The following TLN2 variants were observed in gnomAD, a reference collection of about 807,000 sequenced individuals.
The protein encoded by TLN2 is talin 2.
A neutral mutation model predicts 294.7 loss-of-function variants in TLN2; 118 were observed. The ratio of observed to expected loss-of-function variants is 0.40; its 90% CI spans 0.34 to 0.47. The LOEUF is 0.47. TLN2 is among the 20% of genes least tolerant of loss of function. TLN2 has a pLI of 0.84. For missense variants in TLN2, 3,083 were observed against 3,282.2 expected (o/e 0.94, Z 1.48); for synonymous variants, 1,431 against 1,304.5 (o/e 1.10, Z -2.09).
intron 1 of TLN2, among the ~76,000 whole-genome samples, chr15:62,584,414 C>T (rs1360318158): frequency 6.6e-6 from 1 of 152,186 alleles, no homozygotes; most frequent in Non-Finnish European, 1.5e-5. Flanking sequence ...TCTACTAGGA[C>T]TCTTTTCTCT....
intron 1 of TLN2, among the ~76,000 whole-genome samples, chr15:62,554,108 ACCAAGATGCT>A: frequency 6.6e-6 from 1 of 152,096 alleles, no homozygotes. Flanking sequence ...TCTAGGATCA[ACCAAGATGCT>A]TAATCTAAAT....
chr15:62,692,371 G>T (rs1236630059), intron 12 of TLN2, among the ~76,000 whole-genome samples: 3 of 152,230 alleles, frequency 2.0e-5, no homozygotes, highest in African/African-American at 7.2e-5. Flanking sequence ...GCCTGGGAGG[G>T]TCTGAGGTTT....
At chr15:62,624,871 T>C (rs538836314) in intron 3 of TLN2, among the ~76,000 whole-genome samples, 1 of 152,308 alleles carries the variant, frequency 6.6e-6, no homozygotes, top group Admixed American at 6.5e-5. Context: ...AAAAAAACAA[T>C]GCAGCTAAGA....
intron 2 of TLN2, among the ~76,000 whole-genome samples, chr15:62,604,910 T>A (rs2047309471): frequency 6.6e-6 from 1 of 152,022 alleles, no homozygotes. Context: ...CTCCTCCTCC[T>A]CCTTTCCCCC....
chr15:62,709,744 T>C (rs2059304272), intron 21 of TLN2, among the ~76,000 whole-genome samples: 1 of 151,934 alleles, frequency 6.6e-6, no homozygotes, highest in Admixed American at 6.6e-5. Flanking sequence ...CTTTTTTCTT[T>C]TTCTTTTTGA....
chr15:62,410,063 A>G (rs928505224), intron 1 of TLN2, among the ~76,000 whole-genome samples: 3 of 152,066 alleles, frequency 2.0e-5, no homozygotes, highest in East Asian at 1.9e-4. Flanking sequence ...CCAACATGGT[A>G]AAACCCCGTC....
chr15:62,609,702 G>C (rs953508125), intron 2 of TLN2, among the ~76,000 whole-genome samples: 15 of 152,160 alleles, frequency 9.9e-5, no homozygotes, highest in African/African-American at 3.6e-4. Context: ...GTTACCGATG[G>C]TGCCCAGCTC....
intron 1 of TLN2, among the ~76,000 whole-genome samples, chr15:62,398,191 T>C (rs1217041772): frequency 1.3e-5 from 2 of 152,170 alleles, no homozygotes; most frequent in Non-Finnish European, 2.9e-5. Context: ...ATTCTCATGA[T>C]AGTGAGTGAG....
rs1384790239 is a variant in TLN2 at position 62,783,719 on chromosome 15, CTCTG to C, written c.5617-50_5617-47del. On this transcript the variant is annotated intron_variant, in intron 44 of 58. Transcript: ENST00000636159. ...TAACACATGGTTCTCATGCGTTTCT[CTCTG>C]TGTGTGTGTGTGTGTGTGTGTGTGT... 4.5e-3 allele frequency: 6,557 copies of C among 1,453,128 alleles called. 74 individuals are homozygous for C. The African/African-American group carries it at 0.052, about 11-fold the overall frequency. 90.0% of individuals were successfully genotyped at this position (1,453,128 alleles called of 1,614,324 possible). A position where few individuals can be genotyped will look rare whatever the true frequency, so the allele number is the denominator to read the frequency against.
chr15:62,622,876 A>G (rs900695306), intron 3 of TLN2, among the ~76,000 whole-genome samples: 2 of 152,218 alleles, frequency 1.3e-5, no homozygotes, highest in African/African-American at 4.8e-5. Context: ...TGTATCTGTA[A>G]TAACACTCTA....
chr15:62,634,641 T>C (rs558776180), intron 3 of TLN2, among the ~76,000 whole-genome samples: 1 of 152,396 alleles, frequency 6.6e-6, no homozygotes, highest in East Asian at 1.9e-4. Flanking sequence ...ATCTTATTCA[T>C]AACTGACTGA....
rs1169646907 is a variant in TLN2 at position 62,742,024 on chromosome 15, G to GGT, written c.4025+1305_4025+1306dup. 6.0e-3 allele frequency among the ~76,000 whole-genome samples: 491 copies of GGT among 82,220 alleles called. 4 individuals carry two copies. Among genetic ancestry groups the GGT allele is most frequent in the African/African-American group, 0.02 (446 of 22,596 alleles). 53.9% of individuals were successfully genotyped at this position (82,220 alleles called of 152,430 possible). A position where few individuals can be genotyped will look rare whatever the true frequency, so the allele number is the denominator to read the frequency against. On this transcript the variant is annotated intron_variant, in intron 32 of 58. Coordinates refer to ENST00000636159, the MANE Select transcript of TLN2 (RefSeq NM_015059.3). Reference sequence around the variant, plus strand: ...CTTCCTCCCTCTTGGCTTGTAGTGGGGTGTGTGTGTGTGTGTGTGTGTGTG... The same window carrying GGT: ...CTTCCTCCCTCTTGGCTTGTAGTGGGGTGTGTGTGTGTGTGTGTGTGTGTGTG...
intron 1 of TLN2, among the ~76,000 whole-genome samples, chr15:62,570,714 G>A (rs780759870): frequency 1.3e-5 from 2 of 152,106 alleles, no homozygotes; most frequent in African/African-American, 2.4e-5. Context: ...CAGCTGCCTC[G>A]GCCTCTACCC....
chr15:62,561,830 C>CGGAG (rs2042987195), intron 1 of TLN2, among the ~76,000 whole-genome samples: 1 of 152,128 alleles, frequency 6.6e-6, no homozygotes, highest in Non-Finnish European at 1.5e-5. Flanking sequence ...CTTGCAGTAT[C>CGGAG]CTGCTCCCTA....
chr15:62,478,588 G>A (rs2037914654), intron 1 of TLN2, among the ~76,000 whole-genome samples: 2 of 152,110 alleles, frequency 1.3e-5, no homozygotes, highest in Admixed American at 1.3e-4. Flanking sequence ...TCTCCAGGGG[G>A]ACTCGATTGT....
chr15:62,688,838 T>C (rs1372916083), intron 12 of TLN2, among the ~76,000 whole-genome samples: 4 of 152,148 alleles, frequency 2.6e-5, no homozygotes, highest in African/African-American at 4.8e-5. Context: ...ATAAAACTAA[T>C]GTGGGCATGA....
chr15:62,706,374 G>C (rs188436878), intron 19 of TLN2, among the ~76,000 whole-genome samples: 232 of 152,346 alleles, frequency 1.5e-3, no homozygotes, highest in Non-Finnish European at 2.3e-3. Flanking sequence ...GCATAAACTA[G>C]CTCCTCGCAT....
chr15:62,692,914 A>G lies in TLN2; in HGVS notation c.1188A>G (p.Ala396=). 5 of 1,613,318 alleles carry G rather than the reference A, an allele frequency of 3.1e-6. No individual in the cohort carries two copies. The highest frequency in any genetic ancestry group is 4.2e-6 in the Non-Finnish European group (5 of 1,179,688). Residue 396 remains alanine (A), a synonymous_variant, in exon 13 of 59, where the codon GCA becomes GCG. Transcript: ENST00000636159. ...GAGAGCAGATATCCCAGCTGATTGC[A>G]GGCTACATTGACATCATCCTGAAAA... The part of the protein sequence containing the change: ...TEGEQISQLI[A]GYIDIILKKK...
chr15:62,673,068 T>TGTGTG (rs1266665767), intron 9 of TLN2, among the ~76,000 whole-genome samples: 1 of 33,420 alleles, frequency 3.0e-5, no homozygotes, highest in East Asian at 9.8e-4. Flanking sequence ...ATATCCTAAT[T>TGTGTG]TAATTGTGTG....
Sources: gnomAD v4.1 joint callset for allele counts (sites outside exome capture counted in the v4.1 genomes callset) on GRCh38, gnomAD v4.1.1 for gene constraint, MANE v1.5 for transcripts, NCBI Gene and HGNC (gene_info 2026-07-23, HGNC 2026-07-21) for gene names.